FRMD5: variants seen among roughly 807,000 people sequenced by gnomAD.
FRMD5 encodes the protein FERM domain containing 5.
A neutral mutation model predicts 69.0 loss-of-function variants in FRMD5; 20 were observed. The ratio of observed to expected loss-of-function variants is 0.29; its 90% CI spans 0.20 to 0.42. FRMD5 has a LOEUF of 0.42. Among genes scored for constraint, FRMD5 ranks in the 10% least tolerant of loss-of-function variants. The probability of loss-of-function intolerance (pLI) is 1.00; values close to 1 mark genes in which losing one functional copy is unlikely to be tolerated. For synonymous variants in FRMD5, 271 were observed against 260.1 expected (o/e 1.04, Z -0.40); for missense variants, 595 against 708.6 (o/e 0.84, Z 1.82).
Position 43,913,941 on chromosome 15 carries a change from G to A in FRMD5, c.330-3962C>T, listed in dbSNP as rs570672358. Among the ~76,000 whole-genome samples, 54 of 152,354 alleles carry A rather than the reference G, an allele frequency of 3.5e-4. No individual in the cohort carries two copies. The South Asian group carries it at 0.011, about 31-fold the overall frequency. On this transcript the variant is annotated intron_variant, in intron 4 of 13. Transcript: ENST00000417257. ...CTCTAGACCGGATTTAGGAGAACAC[G>A]CTTGCTTCTGAGGAAACTGGTTTTT...
intron 1 of FRMD5, among the ~76,000 whole-genome samples, chr15:44,081,086 C>A (rs1327895552): frequency 6.6e-6 from 1 of 152,018 alleles, no homozygotes; most frequent in Admixed American, 6.6e-5. Context: ...AAAAATAAGG[C>A]AGGAGGTCAA....
Position 43,873,069 on chromosome 15 carries a change from G to T in FRMD5, c.*816C>A. 1.9e-6 allele frequency: 2 copies of T among 1,034,704 alleles called. No homozygotes were observed. The highest frequency in any genetic ancestry group is 2.9e-6 in the Non-Finnish European group (2 of 691,344). The allele number at this position is 1,034,704 out of a possible 1,614,324, so 64.1% of individuals were successfully genotyped here. ...TTAACGCCCCTGGAGCACTATAAAAGTCTTGAGGTTCTTCGGAAAAAAAAA... is the reference window on the plus strand; with the variant it reads ...TTAACGCCCCTGGAGCACTATAAAATTCTTGAGGTTCTTCGGAAAAAAAAA... On this transcript the variant is annotated 3_prime_UTR_variant, in exon 14 of 14. Coordinates refer to ENST00000417257, the MANE Select transcript of FRMD5 (RefSeq NM_032892.5).
chr15:43,931,664 T>C (rs962981440), intron 1 of FRMD5, among the ~76,000 whole-genome samples: 2 of 152,242 alleles, frequency 1.3e-5, no homozygotes, highest in African/African-American at 4.8e-5. Flanking sequence ...GTATCCTGGA[T>C]GGCCAGGGTC....
intron 1 of FRMD5, among the ~76,000 whole-genome samples, chr15:44,054,569 A>C (rs1346507506): frequency 6.6e-6 from 1 of 152,240 alleles, no homozygotes; most frequent in East Asian, 1.9e-4. Flanking sequence ...TGTCCGCCAA[A>C]GAATAGAATT....
chr15:43,989,174 C>A, intron 1 of FRMD5: 1 of 882,760 alleles, frequency 1.1e-6, no homozygotes, highest in Non-Finnish European at 1.9e-6. Flanking sequence ...CCGATCCACA[C>A]GGAGTACTTG....
intron 1 of FRMD5, among the ~76,000 whole-genome samples, chr15:44,138,595 A>G (rs1323931084): frequency 6.6e-6 from 1 of 152,226 alleles, no homozygotes; most frequent in Non-Finnish European, 1.5e-5. Flanking sequence ...TTTAAAACCT[A>G]CAATGACCAT....
At chr15:44,196,180 G>T (rs543128853), upstream of FRMD5, among the ~76,000 whole-genome samples, 1 of 152,122 alleles carries the variant, frequency 6.6e-6, no homozygotes, top group East Asian at 1.9e-4. Flanking sequence ...TAATTATGTC[G>T]GCCGGGCGCA....
intron 1 of FRMD5, among the ~76,000 whole-genome samples, chr15:44,074,346 C>T (rs1893667908): frequency 6.6e-6 from 1 of 151,930 alleles, no homozygotes; most frequent in African/African-American, 2.4e-5. Flanking sequence ...ACCAGAAGTC[C>T]TGGTTGGCTT....
chr15:44,050,561 G>A (rs1348254258), intron 1 of FRMD5, among the ~76,000 whole-genome samples: 1 of 145,772 alleles, frequency 6.9e-6, no homozygotes, highest in East Asian at 2.0e-4. Context: ...GTAGAGATAT[G>A]GTCTTGCTAT....
At chr15:44,142,060 C>A (rs1317703956) in intron 1 of FRMD5, among the ~76,000 whole-genome samples, 1 of 152,144 alleles carries the variant, frequency 6.6e-6, no homozygotes, top group Non-Finnish European at 1.5e-5. Context: ...CCATCCTGCA[C>A]TATGTCATTC....
chr15:43,909,843 T>G, intron 5 of FRMD5, 39 bp downstream of exon 5: 1 of 1,221,070 alleles, frequency 8.2e-7, no homozygotes, highest in South Asian at 1.2e-5. Context: ...AATCAGTACT[T>G]GGCATGAAAA....
intron 4 of FRMD5, among the ~76,000 whole-genome samples, chr15:43,916,693 A>T (rs1295750874): frequency 6.6e-6 from 1 of 152,068 alleles, no homozygotes; most frequent in Non-Finnish European, 1.5e-5. Flanking sequence ...CATAAGTAAG[A>T]TCTGAGCTCC....
At chr15:44,127,339 G>A (rs199995484) in intron 1 of FRMD5, among the ~76,000 whole-genome samples, 3 of 152,172 alleles carry the variant, frequency 2.0e-5, no homozygotes, top group East Asian at 1.9e-4. Context: ...TGATCTGCCC[G>A]CCTTGATGTC....
At chr15:43,876,700 CTT>C (rs1356726069) in intron 13 of FRMD5, among the ~76,000 whole-genome samples, 1 of 152,176 alleles carries the variant, frequency 6.6e-6, no homozygotes, top group African/African-American at 2.4e-5. Context: ...GCTGTTCTGA[CTT>C]TGTGGAATGA....
At chr15:44,135,460 T>C (rs1165400643) in intron 1 of FRMD5, among the ~76,000 whole-genome samples, 4 of 152,216 alleles carry the variant, frequency 2.6e-5, no homozygotes, top group African/African-American at 9.6e-5. Context: ...ACATGTTTTA[T>C]TGCCTAATTA....
intron 1 of FRMD5, among the ~76,000 whole-genome samples, chr15:44,049,678 T>C (rs546290031): frequency 6.6e-6 from 1 of 152,340 alleles, no homozygotes; most frequent in Admixed American, 6.5e-5. Flanking sequence ...GTCATCTCCA[T>C]TTGCATTTAA....
At chr15:44,137,589 G>A (rs544664597) in intron 1 of FRMD5, among the ~76,000 whole-genome samples, 1 of 152,216 alleles carries the variant, frequency 6.6e-6, no homozygotes, top group East Asian at 1.9e-4. Flanking sequence ...GCACAGGAAG[G>A]CATACCAGAA....
chr15:44,026,030 T>G lies in FRMD5; in HGVS notation c.103-101721A>C, dbSNP rs549017545. ...TCTCACTCTGTCACCCAGGCTAGAG[T>G]GCAGTGGCACCATCTCAGCTCTCTG... is the stretch of plus-strand genomic sequence containing the variant. On this transcript the variant is annotated intron_variant, in intron 1 of 13. Transcript: ENST00000417257. Among the ~76,000 whole-genome samples, 23 of 152,230 alleles carry G rather than the reference T, an allele frequency of 1.5e-4. 1 individual carries two copies. The East Asian group carries it at 4.3e-3, about 28-fold the overall frequency.
intron 1 of FRMD5, among the ~76,000 whole-genome samples, chr15:44,101,021 C>T (rs938377312): frequency 3.3e-5 from 5 of 151,916 alleles, no homozygotes; most frequent in Middle Eastern, 3.4e-3. Context: ...TGATGGTGCA[C>T]GCCTGTAGTC....
Sources: gnomAD v4.1 joint callset for allele counts (sites outside exome capture counted in the v4.1 genomes callset) on GRCh38, gnomAD v4.1.1 for gene constraint, MANE v1.5 for transcripts, NCBI Gene and HGNC (gene_info 2026-07-23, HGNC 2026-07-21) for gene names.